The following SLMAP variants were observed in gnomAD, a reference collection of about 807,000 sequenced individuals.
SLMAP encodes sarcolemmal membrane-associated protein.
Under a neutral mutation model 128.8 loss-of-function variants are expected in SLMAP, and 44 were observed. The ratio of observed to expected loss-of-function variants is 0.34; its 90% CI spans 0.27 to 0.44. The LOEUF (loss-of-function observed/expected upper bound fraction) is 0.44. SLMAP is among the 20% of genes least tolerant of loss of function. SLMAP has a pLI of 1.00. For synonymous variants in SLMAP, 327 were observed against 348.8 expected (o/e 0.94, Z 0.70); for missense variants, 787 against 985.3 (o/e 0.80, Z 2.69).
chr3:57,774,701 T>C (rs1041473499), intron 2 of SLMAP, among the ~76,000 whole-genome samples: 4 of 151,838 alleles, frequency 2.6e-5, no homozygotes, highest in African/African-American at 9.7e-5. Context: ...ATTTTTGCGT[T>C]TTTAGTAGAG....
intron 13 of SLMAP, among the ~76,000 whole-genome samples, chr3:57,870,749 C>G (rs7621595): frequency 0.013 from 1,921 of 152,258 alleles, 28 homozygotes; most frequent in African/African-American, 0.044. Flanking sequence ...CATGTGTCCC[C>G]TTTGACAGAT....
intron 6 of SLMAP, among the ~76,000 whole-genome samples, chr3:57,855,731 A>AAC (rs1389341893): frequency 2.0e-5 from 3 of 150,896 alleles, no homozygotes; most frequent in African/African-American, 7.3e-5. Flanking sequence ...AAAAACAAAA[A>AAC]AAAAAACTTT....
Position 57,859,121 on chromosome 3 carries a change from C to T in SLMAP, c.687+962C>T, listed in dbSNP as rs149904683. 9.9e-5 allele frequency among the ~76,000 whole-genome samples: 15 copies of T among 152,078 alleles called. No homozygotes were observed. In the East Asian group the frequency reaches 2.9e-3, roughly 29 times the overall value. Reference sequence around the variant, plus strand: ...GGCGGATTGCTTGAGGTCAGGAGTTCAAAACCAGCGTGGCCAACATGGCGA... The same window carrying T: ...GGCGGATTGCTTGAGGTCAGGAGTTTAAAACCAGCGTGGCCAACATGGCGA... On this transcript the variant is annotated intron_variant, in intron 8 of 24. Coordinates refer to ENST00000671191, the MANE Select transcript of SLMAP (RefSeq NM_001377540.1).
At chr3:57,864,084 C>G (rs1033686856) in intron 10 of SLMAP, among the ~76,000 whole-genome samples, 4 of 152,146 alleles carry the variant, frequency 2.6e-5, no homozygotes, top group Non-Finnish European at 5.9e-5. Context: ...TGACATCAAG[C>G]CTTTGTCTTT....
chr3:57,761,603 T>A (rs868452308), intron 2 of SLMAP, among the ~76,000 whole-genome samples: 40 of 151,970 alleles, frequency 2.6e-4, no homozygotes, highest in African/African-American at 8.7e-4. Flanking sequence ...CCAGAAGAAA[T>A]TTTTAAAATT....
chr3:57,887,325 G>A (rs1294643759), intron 14 of SLMAP, among the ~76,000 whole-genome samples: 2 of 151,642 alleles, frequency 1.3e-5, no homozygotes, highest in South Asian at 2.1e-4. Flanking sequence ...CGCTTCCTGG[G>A]TTCAAACGGT....
intron 17 of SLMAP, among the ~76,000 whole-genome samples, chr3:57,906,310 C>CATTTTTTTTTTTTTTTTTT (rs2096547779): frequency 2.1e-5 from 1 of 47,048 alleles, no homozygotes; most frequent in African/African-American, 7.1e-5. Context: ...CTTTTTTTTT[C>CATTTTTTTTTTTTTTTTTT]TTTTTTTTTT....
At chr3:57,820,126 G>T (rs1401739203) in intron 2 of SLMAP, among the ~76,000 whole-genome samples, 1 of 152,224 alleles carries the variant, frequency 6.6e-6, no homozygotes, top group South Asian at 2.1e-4. Flanking sequence ...CCCCAGGATA[G>T]TTAGCATTTT....
chr3:57,858,963 A>C (rs890471663), intron 8 of SLMAP, among the ~76,000 whole-genome samples: 4 of 152,026 alleles, frequency 2.6e-5, no homozygotes, highest in Non-Finnish European at 4.4e-5. Context: ...ACAACAACAA[A>C]AAAGTTACAA....
rs1220560093 is a variant in SLMAP, at chr3:57,771,170, TC to T, written c.198+13325del. Among the ~76,000 whole-genome samples, 113 of 71,902 alleles carry T rather than the reference TC, an allele frequency of 1.6e-3. 1 individual carries two copies. The highest frequency in any genetic ancestry group is 2.9e-3 in the Non-Finnish European group (95 of 32,284). 47.2% of individuals were successfully genotyped at this position (71,902 alleles called of 152,430 possible). ...TCCCCTCCCCTCCCCTCCCCTCCCC[TC>T]CCCTCCCCTCTCCTCTCCTCCCTTC... On this transcript the variant is annotated intron_variant, in intron 2 of 24. Coordinates refer to ENST00000671191, the MANE Select transcript of SLMAP (RefSeq NM_001377540.1).
intron 15 of SLMAP, among the ~76,000 whole-genome samples, chr3:57,892,601 A>C (rs529824434): frequency 3.9e-5 from 6 of 152,208 alleles, no homozygotes; most frequent in South Asian, 4.1e-4. Context: ...CCTCTATGTA[A>C]CTATAGTATC....
intron 14 of SLMAP, among the ~76,000 whole-genome samples, chr3:57,886,241 T>A (rs1354079661): frequency 6.6e-6 from 1 of 151,376 alleles, no homozygotes; most frequent in African/African-American, 2.4e-5. Context: ...GTAGCTGGGA[T>A]TACAGGTGCC....
At chr3:57,803,358 C>G (rs2089044407) in intron 2 of SLMAP, among the ~76,000 whole-genome samples, 1 of 152,140 alleles carries the variant, frequency 6.6e-6, no homozygotes, top group Non-Finnish European at 1.5e-5. Context: ...TTCCCCCTTA[C>G]TAGTAACTAC....
intron 2 of SLMAP, among the ~76,000 whole-genome samples, chr3:57,827,115 C>T (rs1255223015): frequency 6.6e-6 from 1 of 152,158 alleles, no homozygotes; most frequent in Non-Finnish European, 1.5e-5. Flanking sequence ...TAAGAACTCC[C>T]CTATATGGAC....
intron 2 of SLMAP, among the ~76,000 whole-genome samples, chr3:57,790,282 A>G (rs2085172654): frequency 6.6e-6 from 1 of 152,222 alleles, no homozygotes; most frequent in Admixed American, 6.5e-5. Flanking sequence ...ACTATGTCCA[A>G]AGCATATGAA....
chr3:57,849,093 G>A (rs563478555), intron 5 of SLMAP, among the ~76,000 whole-genome samples: 1 of 150,948 alleles, frequency 6.6e-6, no homozygotes, highest in Admixed American at 6.6e-5. Context: ...CACCATGTTG[G>A]CCAGGCTGGT....
At chr3:57,846,496 TA>T (rs2094256665) in intron 4 of SLMAP, among the ~76,000 whole-genome samples, 1 of 151,952 alleles carries the variant, frequency 6.6e-6, no homozygotes, top group South Asian at 2.1e-4. Context: ...ACTTTCTGTA[TA>T]GGAATGTTTA....
chr3:57,864,639 A>T lies in SLMAP; in HGVS notation c.1058A>T (p.Glu353Val), dbSNP rs779521307. 2 of 1,599,716 alleles carry T rather than the reference A, an allele frequency of 1.3e-6. No homozygotes were observed. The highest frequency in any genetic ancestry group is 2.3e-5 in the South Asian group (2 of 86,488). Residue 353 changes from glutamate (E) to valine (V), a missense_variant, in exon 11 of 25, where the codon GAA becomes GTA. Transcript: ENST00000671191. ...AAAATAGATGAAATGGAAGAAAAAG[A>T]ACAGGAGCTCCAGGCAAAAATAGAA... ...QHKIDEMEEK[E>V]QELQAKIEAL...
intron 2 of SLMAP, among the ~76,000 whole-genome samples, chr3:57,829,057 A>G (rs1473109094): frequency 1.3e-5 from 2 of 152,152 alleles, no homozygotes; most frequent in Non-Finnish European, 2.9e-5. Context: ...TGCTGAGATT[A>G]CAGACATGAG....
Sources: gnomAD v4.1 joint callset for allele counts (sites outside exome capture counted in the v4.1 genomes callset) on GRCh38, gnomAD v4.1.1 for gene constraint, MANE v1.5 for transcripts, NCBI Gene and HGNC (gene_info 2026-07-23, HGNC 2026-07-21) for gene names.